ASB18: variants seen among roughly 807,000 people sequenced by gnomAD.
ASB18 encodes ankyrin repeat and SOCS box protein 18.
Under a neutral mutation model 33.4 loss-of-function variants are expected in ASB18, and 33 were observed. The ratio of observed to expected loss-of-function variants is 0.99; its 90% CI spans 0.75 to 1.32. The LOEUF (loss-of-function observed/expected upper bound fraction) is 1.32. ASB18 is among the 40% of genes most tolerant of loss of function. The pLI is 0.00. For missense variants in ASB18, 694 were observed against 655.5 expected, an observed-to-expected ratio of 1.06 and a Z score of -0.64; for synonymous variants, 295 against 307.6, an observed-to-expected ratio of 0.96 and a Z score of 0.43.
chr2:236,223,368 T>C lies in ASB18; in HGVS notation c.597-8502A>G, dbSNP rs1440382888. 6.6e-6 allele frequency among the ~76,000 whole-genome samples: 1 copy of C among 152,042 alleles called. No individual in the cohort carries two copies. The highest frequency in any genetic ancestry group is 1.5e-5 in the Non-Finnish European group (1 of 68,028). ...TTTCTCTCATCCCCTGGTCCCAATA[T>C]ACTAGGTGAAGAGGAAGACCCAGTA... On this transcript the variant is annotated intron_variant, in intron 3 of 5. Transcript: ENST00000409749. This position sits in a 1 kb window ranked among gnomAD's most constrained non-coding sequence, Gnocchi z 4.6.
At position 236,193,846 on chromosome 2, in the gene ASB18, T is replaced by A. The variant is rs2060358791; in HGVS notation, c.*1026A>T. On this transcript the variant is annotated 3_prime_UTR_variant, in exon 6 of 6. Coordinates refer to ENST00000409749, the MANE Select transcript of ASB18 (RefSeq NM_212556.4). The surrounding 1 kb of genome is among the most constrained non-coding windows in gnomAD (Gnocchi z 5.0). ...GGCCACTGTCTGTATGGGTTTTCTCTGGGTGCTCCAGTTCCCACCCACATC... is the reference window on the plus strand; with the variant it reads ...GGCCACTGTCTGTATGGGTTTTCTCAGGGTGCTCCAGTTCCCACCCACATC... Among the ~76,000 whole-genome samples, 1 of 151,990 alleles carries A rather than the reference T, an allele frequency of 6.6e-6. No homozygotes were observed. Among genetic ancestry groups the A allele is most frequent in the African/African-American group, 2.4e-5 (1 of 41,398 alleles).
At chr2:236,202,690 G>A (rs12470131) in intron 4 of ASB18, among the ~76,000 whole-genome samples, 24,996 of 148,140 alleles carry the variant, frequency 0.17, 2,108 homozygotes, top group South Asian at 0.24. Flanking sequence ...GAAGCAGGAG[G>A]ATCACTTGAA....
At chr2:236,261,800 T>C (rs1252609088) in intron 1 of ASB18, among the ~76,000 whole-genome samples, 2 of 151,800 alleles carry the variant, frequency 1.3e-5, no homozygotes, top group African/African-American at 4.8e-5. Context: ...TGGCAGAAGG[T>C]GAGGGAAGAA....
At position 236,215,020 on chromosome 2, in the gene ASB18, GAAAAAAAAA is replaced by G. The variant is rs574936196; in HGVS notation, c.597-163_597-155del. On this transcript the variant is annotated intron_variant, in intron 3 of 5. Coordinates refer to ENST00000409749, the MANE Select transcript of ASB18 (RefSeq NM_212556.4). This position sits in a 1 kb window ranked among gnomAD's most constrained non-coding sequence, Gnocchi z 7.2. ...GGCGTCAGGAGTTCAAACTAAACTG[GAAAAAAAAA>G]AAAAAAAAAAGAGATTATGGCAAAA... Among the ~76,000 whole-genome samples, 2 of 120,092 alleles carry G rather than the reference GAAAAAAAAA, an allele frequency of 1.7e-5. No homozygotes were observed. Among genetic ancestry groups the G allele is most frequent in the African/African-American group, 5.9e-5 (2 of 33,774 alleles). 78.8% of individuals were successfully genotyped at this position (120,092 alleles called of 152,430 possible).
chr2:236,224,465 G>A lies in ASB18; in HGVS notation c.597-9599C>T, dbSNP rs1315061939. ...AATGTACCTGGGATGCCATTGAGGG[G>A]CAGGGAAGGGGACACACTTGTAACA... On this transcript the variant is annotated intron_variant, in intron 3 of 5. Transcript: ENST00000409749. Among the ~76,000 whole-genome samples the A allele has an allele frequency of 3.9e-5, 6 of 152,140 alleles. No individual in the cohort carries two copies. The South Asian group carries it at 1.0e-3, about 26-fold the overall frequency.
intron 4 of ASB18, among the ~76,000 whole-genome samples, chr2:236,202,053 A>T (rs1181301777): frequency 6.6e-6 from 1 of 151,816 alleles, no homozygotes; most frequent in Non-Finnish European, 1.5e-5. Context: ...GGGTTCAAGC[A>T]ATTCTCCCGC....
At position 236,214,698 on chromosome 2, in the gene ASB18, A is replaced by C; in HGVS notation, c.765T>G (p.Ala255=). 8.7e-7 allele frequency: 1 copy of C among 1,148,522 alleles called. No individual in the cohort carries two copies. The highest frequency in any genetic ancestry group is 1.1e-6 in the Non-Finnish European group (1 of 935,544). 71.1% of individuals were successfully genotyped at this position (1,148,522 alleles called of 1,614,324 possible). Residue 255 remains alanine, a synonymous_variant, in exon 4 of 6, where the codon GCT becomes GCG. Transcript: ENST00000409749. This position sits in a 1 kb window ranked among gnomAD's most constrained non-coding sequence, Gnocchi z 6.5. ...GCGCCGCACCGCAGGCCGCGCTCAG[A>C]GCCGTCTCTCCGCGGCCGTTCCTCG... ...VDARNGRGET[A]LSAACGAARR...
intron 4 of ASB18, among the ~76,000 whole-genome samples, chr2:236,210,969 A>G (rs1265256689): frequency 6.6e-6 from 1 of 152,210 alleles, no homozygotes; most frequent in Non-Finnish European, 1.5e-5. Context: ...AGGAGAGAAG[A>G]GCAAAGTAGT....
Position 236,194,736 on chromosome 2 carries a change from C to A in ASB18, c.*136G>T. On this transcript the variant is annotated 3_prime_UTR_variant, in exon 6 of 6. Transcript: ENST00000409749. The surrounding 1 kb of genome is among the most constrained non-coding windows in gnomAD (Gnocchi z 4.5). Reference sequence around the variant, plus strand: ...AACCTGAAGCTTGGCAAGGTCTGTGCTTCACCCGGTCCCACGGAGAGCAAG... The same window carrying A: ...AACCTGAAGCTTGGCAAGGTCTGTGATTCACCCGGTCCCACGGAGAGCAAG... 1.4e-6 allele frequency: 1 copy of A among 729,210 alleles called. No homozygotes were observed. The highest frequency in any genetic ancestry group is 2.2e-6 in the Non-Finnish European group (1 of 459,558). The allele number at this position is 729,210 out of a possible 1,614,324, so 45.2% of individuals were successfully genotyped here.
intron 4 of ASB18, among the ~76,000 whole-genome samples, chr2:236,207,376 G>GT (rs1224704577): frequency 4.6e-5 from 7 of 152,132 alleles, no homozygotes; most frequent in African/African-American, 1.4e-4. Context: ...AACCAGTACT[G>GT]TTTCGATGAA....
In ASB18 at chr2:236,203,373, T is replaced by C. The variant is rs2060415439; in HGVS notation, c.1102-6988A>G. Among the ~76,000 whole-genome samples the C allele has an allele frequency of 6.6e-6, 1 of 152,086 alleles. No individual in the cohort carries two copies. The highest frequency in any genetic ancestry group is 1.5e-5 in the Non-Finnish European group (1 of 68,032). On this transcript the variant is annotated intron_variant, in intron 4 of 5. Transcript: ENST00000409749. This position sits in a 1 kb window ranked among gnomAD's most constrained non-coding sequence, Gnocchi z 6.0. The stretch of plus-strand genomic sequence containing the variant: ...AGTGTTCTAGGCAGAGAAAACGTAT[T>C]ATGCCAGGTTTGGGAGGTGAGAAGG...
In ASB18 at chr2:236,231,685, A is replaced by G. The variant is rs1301315327; in HGVS notation, c.596+6004T>C. Reference sequence around the variant, plus strand: ...ACTCCTGGCCTCAAGCAATCCTCCAACCTTGGCCTCCCAAAGTGCTGGGAT... The same window carrying G: ...ACTCCTGGCCTCAAGCAATCCTCCAGCCTTGGCCTCCCAAAGTGCTGGGAT... On this transcript the variant is annotated intron_variant, in intron 3 of 5. Coordinates refer to ENST00000409749, the MANE Select transcript of ASB18 (RefSeq NM_212556.4). The surrounding 1 kb of genome is among the most constrained non-coding windows in gnomAD (Gnocchi z 5.5). Among the ~76,000 whole-genome samples, 1 of 152,138 alleles carries G rather than the reference A, an allele frequency of 6.6e-6. No homozygotes were observed. The highest frequency in any genetic ancestry group is 1.5e-5 in the Non-Finnish European group (1 of 68,018).
Position 236,221,701 on chromosome 2 carries a change from T to G in ASB18, c.597-6835A>C, listed in dbSNP as rs10204147. Among the ~76,000 whole-genome samples the G allele has an allele frequency of 0.35, 52,587 of 152,054 alleles. 12,752 individuals carry two copies. Among genetic ancestry groups the G allele is most frequent in the African/African-American group, 0.7 (28,969 of 41,438 alleles). On this transcript the variant is annotated intron_variant, in intron 3 of 5. Coordinates refer to ENST00000409749, the MANE Select transcript of ASB18 (RefSeq NM_212556.4). This position sits in a 1 kb window ranked among gnomAD's most constrained non-coding sequence, Gnocchi z 5.6. ...ACGGACTAATACAGCATCTGTCTCCTTAAGTCACCGGAGTCCTTGGGCAAT... is the reference window on the plus strand; with the variant it reads ...ACGGACTAATACAGCATCTGTCTCCGTAAGTCACCGGAGTCCTTGGGCAAT...
chr2:236,243,020 CAAAAAAAAA>C (rs35265987), intron 1 of ASB18, among the ~76,000 whole-genome samples: 5 of 38,424 alleles, frequency 1.3e-4, no homozygotes, highest in African/African-American at 3.8e-4. Flanking sequence ...GACCCTGTCT[CAAAAAAAAA>C]AAAAAAAAAA....
At chr2:236,230,862 C>T (rs1351028259) in intron 3 of ASB18, among the ~76,000 whole-genome samples, 2 of 151,566 alleles carry the variant, frequency 1.3e-5, no homozygotes, top group African/African-American at 4.8e-5. Context: ...TTGAACCTAA[C>T]CATATCAAAA....
At position 236,226,562 on chromosome 2, in the gene ASB18, G is replaced by A. The variant is rs1389252920; in HGVS notation, c.596+11127C>T. On this transcript the variant is annotated intron_variant, in intron 3 of 5. Coordinates refer to ENST00000409749, the MANE Select transcript of ASB18 (RefSeq NM_212556.4). This position sits in a 1 kb window ranked among gnomAD's most constrained non-coding sequence, Gnocchi z 4.8. Reference sequence around the variant, plus strand: ...CCTGTATGATTTTTGTAAAACCAACGGAAGCCAGGATATTAGATTCTATTG... The same window carrying A: ...CCTGTATGATTTTTGTAAAACCAACAGAAGCCAGGATATTAGATTCTATTG... Among the ~76,000 whole-genome samples, 3 of 152,276 alleles carry A rather than the reference G, an allele frequency of 2.0e-5. No individual in the cohort carries two copies. Among genetic ancestry groups the A allele is most frequent in the South Asian group, 2.1e-4 (1 of 4,814 alleles).
rs767866577 is a variant in ASB18 at position 236,263,012 on chromosome 2, G to A, written c.205+1129C>T. 3.9e-5 allele frequency among the ~76,000 whole-genome samples: 6 copies of A among 152,158 alleles called. No homozygotes were observed. In the South Asian group the frequency reaches 6.2e-4, roughly 16 times the overall value. On this transcript the variant is annotated intron_variant, in intron 1 of 5. Transcript: ENST00000409749. The surrounding 1 kb of genome is among the most constrained non-coding windows in gnomAD (Gnocchi z 4.0). ...TGTTCCTCCTGCATGTTGCGCACAC[G>A]TGTGCATGTGATGCATGTACTTGCG...
At position 236,244,162 on chromosome 2, in the gene ASB18, C is replaced by T. The variant is rs1329380167; in HGVS notation, c.206-2760G>A. On this transcript the variant is annotated intron_variant, in intron 1 of 5. Transcript: ENST00000409749. The surrounding 1 kb of genome is among the most constrained non-coding windows in gnomAD (Gnocchi z 6.1). Reference sequence around the variant, plus strand: ...CTTTCTTTCAACCATTCTTGTTTTTCCCCACCAGGAAGTTGGAATGGGCCA... The same window carrying T: ...CTTTCTTTCAACCATTCTTGTTTTTTCCCACCAGGAAGTTGGAATGGGCCA... Among the ~76,000 whole-genome samples the T allele has an allele frequency of 6.6e-6, 1 of 152,144 alleles. No homozygotes were observed. Among genetic ancestry groups the T allele is most frequent in the Admixed American group, 6.5e-5 (1 of 15,274 alleles).
Position 236,216,528 on chromosome 2 carries a change from T to C in ASB18, c.597-1662A>G, listed in dbSNP as rs6737755. Among the ~76,000 whole-genome samples, 39,736 of 152,088 alleles carry C rather than the reference T, an allele frequency of 0.26. 6,281 individuals are homozygous for C. Among genetic ancestry groups the C allele is most frequent in the African/African-American group, 0.45 (18,619 of 41,456 alleles). ...GGGGTCTTGCTCTAGATGACTTGCT[T>C]CTTGCCATTTTCCTGTCTTTCTATT... is the stretch of plus-strand genomic sequence containing the variant. On this transcript the variant is annotated intron_variant, in intron 3 of 5. Transcript: ENST00000409749. This position sits in a 1 kb window ranked among gnomAD's most constrained non-coding sequence, Gnocchi z 6.1.
Sources: gnomAD v4.1 joint callset for allele counts (sites outside exome capture counted in the v4.1 genomes callset) on GRCh38, gnomAD v4.1.1 for gene constraint, Gnocchi (gnomAD v3.1) non-coding constraint, MANE v1.5 for transcripts, NCBI Gene and HGNC (gene_info 2026-07-23, HGNC 2026-07-21) for gene names.